The following CTBP1 variants were observed in gnomAD, a reference collection of about 807,000 sequenced individuals.
The protein encoded by CTBP1 is C-terminal binding protein 1, also known as C-terminal-binding protein 1.
Under a neutral mutation model 42.1 loss-of-function variants are expected in CTBP1, and 11 were observed. The observed-to-expected ratio is 0.26, with a 90% CI of 0.16 to 0.43. CTBP1 has a LOEUF of 0.43. Ranked by LOEUF, CTBP1 falls within the 20% of genes least tolerant of loss-of-function variation. The pLI is 1.00. For missense variants in CTBP1, 399 were observed against 624.3 expected, an observed-to-expected ratio of 0.64 and a Z score of 3.85; for synonymous variants, 324 against 277.1, an observed-to-expected ratio of 1.17 and a Z score of -1.68.
At chr4:1,230,508 G>A (rs1730854495) in intron 3 of CTBP1, among the ~76,000 whole-genome samples, 1 of 152,202 alleles carries the variant, frequency 6.6e-6, no homozygotes, top group Non-Finnish European at 1.5e-5. Context: ...GTCAGGGACA[G>A]GCCTGGTGCC....
chr4:1,224,244 C>T (rs1730070493), intron 5 of CTBP1, among the ~76,000 whole-genome samples: 1 of 152,158 alleles, frequency 6.6e-6, no homozygotes, highest in South Asian at 2.1e-4. Context: ...ATGTGTGGTG[C>T]CCATGTGTGC....
chr4:1,217,143 C>G (rs1045374877), intron 5 of CTBP1: 3 of 152,432 alleles, frequency 2.0e-5, no homozygotes, highest in Non-Finnish European at 4.4e-5. Context: ...GCCTGAGGGC[C>G]AAGGAGACCA....
rs569283393 is a variant in CTBP1, at chr4:1,221,532, G to C, written c.514+3828C>G. The C allele has an allele frequency of 8.7e-5, 14 of 160,972 alleles. No homozygotes were observed. The South Asian group carries it at 2.0e-3, about 24-fold the overall frequency. The allele number at this position is 160,972 out of a possible 1,614,324, so 10.0% of individuals were successfully genotyped here. A position where few individuals can be genotyped will look rare whatever the true frequency, so the allele number is the denominator to read the frequency against. Reference sequence around the variant, plus strand: ...CACCAAGAGTCTGGAGAAGCAAATCGTGCTGTGTTCACGTGATGGAACCGT... The same window carrying C: ...CACCAAGAGTCTGGAGAAGCAAATCCTGCTGTGTTCACGTGATGGAACCGT... On this transcript the variant is annotated intron_variant, in intron 5 of 9. Transcript: ENST00000382952.
chr4:1,240,994 C>G (rs1016040783), intron 2 of CTBP1, among the ~76,000 whole-genome samples: 3 of 152,242 alleles, frequency 2.0e-5, no homozygotes, highest in African/African-American at 7.2e-5. Flanking sequence ...CCTGAGATTT[C>G]CAGGGTTCCG....
At chr4:1,245,098 T>A (rs546831227) in intron 1 of CTBP1, 297 of 983,984 alleles carry the variant, frequency 3.0e-4, no homozygotes, top group Non-Finnish European at 3.3e-4. Flanking sequence ...TTGAAACAGC[T>A]CCTCCGACGA....
chr4:1,223,159 C>A (rs1729939797), intron 5 of CTBP1, among the ~76,000 whole-genome samples: 1 of 152,130 alleles, frequency 6.6e-6, no homozygotes, highest in Non-Finnish European at 1.5e-5. Context: ...CCGACCTCTG[C>A]CCCAACCTGG....
rs369647215 is a variant in CTBP1 at position 1,225,338 on chromosome 4, C to T, written c.514+22G>A. 1.3e-4 allele frequency: 198 copies of T among 1,533,224 alleles called. 1 individual carries two copies. Among genetic ancestry groups the T allele is most frequent in the Middle Eastern group, 2.1e-4 (1 of 4,660 alleles). The allele number at this position is 1,533,224 out of a possible 1,614,324, so 95.0% of individuals were successfully genotyped here. ...CGCCAGACACAGGGAGGGACACAGGCGTGGAGCTGCGGCCGACGCACCAAG... is the reference window on the plus strand; with the variant it reads ...CGCCAGACACAGGGAGGGACACAGGTGTGGAGCTGCGGCCGACGCACCAAG... On this transcript the variant is annotated intron_variant, in intron 5 of 9. Coordinates refer to ENST00000382952, the MANE Select transcript of CTBP1 (RefSeq NM_001012614.2).
At chr4:1,246,412 A>G (rs1451688215) in intron 1 of CTBP1, among the ~76,000 whole-genome samples, 2 of 152,202 alleles carry the variant, frequency 1.3e-5, no homozygotes, top group African/African-American at 4.8e-5. Context: ...CACCACCTGG[A>G]TGGAGCCCTC....
At chr4:1,236,351 G>C in intron 3 of CTBP1, 2 of 450,356 alleles carry the variant, frequency 4.4e-6, no homozygotes, top group South Asian at 6.5e-5. Flanking sequence ...CTGCCCAAAG[G>C]CTGCTCACTG....
chr4:1,215,655 G>A (rs1729025628), intron 6 of CTBP1: 1 of 369,028 alleles, frequency 2.7e-6, no homozygotes, highest in South Asian at 2.8e-5. Context: ...GAACCTGGCA[G>A]CACGGAAGTC....
chr4:1,230,047 A>G (rs921047666), intron 3 of CTBP1, among the ~76,000 whole-genome samples: 3 of 152,202 alleles, frequency 2.0e-5, no homozygotes, highest in Admixed American at 6.5e-5. Context: ...TCATCAGTTC[A>G]TGGACAGGGC....
Position 1,225,152 on chromosome 4 carries a change from C to T in CTBP1, c.514+208G>A, listed in dbSNP as rs1388231349. On this transcript the variant is annotated intron_variant, in intron 5 of 9. Coordinates refer to ENST00000382952, the MANE Select transcript of CTBP1 (RefSeq NM_001012614.2). Reference sequence around the variant, plus strand: ...GTTATCTGTGTGTGCCTGTGTGAGACCCACGTGTGCTGTGACGTCCGTGCA... The same window carrying T: ...GTTATCTGTGTGTGCCTGTGTGAGATCCACGTGTGCTGTGACGTCCGTGCA... Among the ~76,000 whole-genome samples the T allele has an allele frequency of 1.1e-4, 16 of 152,006 alleles. 1 individual carries two copies. The highest frequency in any genetic ancestry group is 1.0e-3 in the Admixed American group (16 of 15,276).
In CTBP1 at chr4:1,241,471, C is replaced by T. The variant is rs199850789; in HGVS notation, c.-140G>A. On this transcript the variant is annotated 5_prime_UTR_variant, in exon 2 of 10. Transcript: ENST00000382952. Reference sequence around the variant, plus strand: ...ATTGTCTCGAGCCAAAGTGCTCAGGCTTCTGATCCGCGGCAATCACTGAAG... The same window carrying T: ...ATTGTCTCGAGCCAAAGTGCTCAGGTTTCTGATCCGCGGCAATCACTGAAG... The T allele has an allele frequency of 2.0e-5, 32 of 1,606,090 alleles. No individual in the cohort carries two copies. The highest frequency in any genetic ancestry group is 2.5e-5 in the Non-Finnish European group (30 of 1,176,990).
chr4:1,237,165 G>A (rs943109492), intron 3 of CTBP1: 1 of 657,014 alleles, frequency 1.5e-6, no homozygotes, highest in Non-Finnish European at 2.8e-6. Context: ...TCCACCTCCT[G>A]ATGGGGCTCA....
chr4:1,221,627 C>T (rs1002079968), intron 5 of CTBP1: 9 of 241,846 alleles, frequency 3.7e-5, no homozygotes, highest in East Asian at 3.0e-4. Context: ...TGACGGGAGG[C>T]GGACACAGAA....
At chr4:1,214,610 CG>C in intron 6 of CTBP1, 137 bp from the exon 7 acceptor site, 2 of 1,166,404 alleles carry the variant, frequency 1.7e-6, no homozygotes, top group Non-Finnish European at 2.3e-6. Context: ...GGGCTCACCA[CG>C]GCGCTAGGAC....
At chr4:1,244,161 G>A (rs756451441) in intron 1 of CTBP1, 32 of 985,130 alleles carry the variant, frequency 3.2e-5, no homozygotes, top group African/African-American at 3.5e-5. Context: ...CCTGTCTCTG[G>A]ATGCACATCA....
chr4:1,225,885 C>T (rs1442661211), intron 4 of CTBP1, among the ~76,000 whole-genome samples: 2 of 151,788 alleles, frequency 1.3e-5, no homozygotes, highest in East Asian at 3.9e-4. Flanking sequence ...CAGGAAGAGA[C>T]AAGCACGTGT....
chr4:1,241,170 G>A (rs1176338003), intron 2 of CTBP1, among the ~76,000 whole-genome samples, 155 bp downstream of exon 2: 4 of 152,174 alleles, frequency 2.6e-5, no homozygotes, highest in Non-Finnish European at 4.4e-5. Flanking sequence ...ACCTGACCTC[G>A]CCCAGAGCAC....
Sources: gnomAD v4.1 joint callset for allele counts (sites outside exome capture counted in the v4.1 genomes callset) on GRCh38, gnomAD v4.1.1 for gene constraint, MANE v1.5 for transcripts, NCBI Gene and HGNC (gene_info 2026-07-23, HGNC 2026-07-21) for gene names.